The following CNOT10 variants were observed in gnomAD, a reference collection of about 807,000 sequenced individuals.
CNOT10 encodes CCR4-NOT transcription complex, subunit 10.
A neutral mutation model predicts 94.6 loss-of-function variants in CNOT10; 30 were observed. That is an observed-to-expected ratio of 0.32 (90% CI 0.24 to 0.43). CNOT10 has a LOEUF of 0.43. Ranked by LOEUF, CNOT10 falls within the 20% of genes least tolerant of loss-of-function variation. The pLI is 1.00. For synonymous variants in CNOT10, 289 were observed against 301.6 expected (o/e 0.96, Z 0.43); for missense variants, 759 against 877.2 (o/e 0.87, Z 1.70).
At chr3:32,724,682 G>T (rs1698588776) in intron 8 of CNOT10, among the ~76,000 whole-genome samples, 1 of 152,166 alleles carries the variant, frequency 6.6e-6, no homozygotes, top group Non-Finnish European at 1.5e-5. Flanking sequence ...AAAGTGCTGG[G>T]ATTACAGGCG....
chr3:32,761,343 C>T (rs894834845), intron 14 of CNOT10, among the ~76,000 whole-genome samples: 1 of 152,116 alleles, frequency 6.6e-6, no homozygotes, highest in Non-Finnish European at 1.5e-5. Flanking sequence ...GGAATTGCAG[C>T]TGATGCTGGT....
intron 1 of CNOT10, among the ~76,000 whole-genome samples, chr3:32,688,779 A>G (rs903375904): frequency 2.0e-5 from 3 of 151,730 alleles, no homozygotes; most frequent in African/African-American, 4.8e-5. Context: ...GCCAGATATC[A>G]TGGTGTGTGC....
chr3:32,771,762 CACTT>C (rs1263166812), intron 18 of CNOT10, among the ~76,000 whole-genome samples: 6 of 152,158 alleles, frequency 3.9e-5, no homozygotes, highest in East Asian at 1.9e-4. Context: ...TAACTTCAGA[CACTT>C]AATTATAATT....
chr3:32,705,293 T>C (rs954025670), intron 3 of CNOT10, among the ~76,000 whole-genome samples: 1 of 152,158 alleles, frequency 6.6e-6, no homozygotes, highest in Non-Finnish European at 1.5e-5. Flanking sequence ...GAAAAAAATA[T>C]GATTAATCCT....
intron 8 of CNOT10, among the ~76,000 whole-genome samples, chr3:32,724,314 C>T (rs143927932): frequency 0.14 from 20,821 of 146,310 alleles, 1,558 homozygotes; most frequent in South Asian, 0.19. Context: ...GGTGCGATCT[C>T]GGCTCACTGC....
At chr3:32,756,042 G>T (rs1196126625) in intron 13 of CNOT10, among the ~76,000 whole-genome samples, 1 of 152,140 alleles carries the variant, frequency 6.6e-6, no homozygotes. Flanking sequence ...TTCTCTGGGG[G>T]CTCAGTAGAG....
At chr3:32,723,745 A>G (rs1288491311) in intron 8 of CNOT10, among the ~76,000 whole-genome samples, 2 of 152,188 alleles carry the variant, frequency 1.3e-5, no homozygotes, top group South Asian at 2.1e-4. Context: ...TATAACATGT[A>G]AAACAACTAG....
intron 7 of CNOT10, among the ~76,000 whole-genome samples, chr3:32,718,925 G>A (rs1277509093): frequency 1.3e-5 from 2 of 152,094 alleles, no homozygotes; most frequent in African/African-American, 4.8e-5. Context: ...GACCAACCTT[G>A]CCAACATGGG....
chr3:32,698,327 CT>C (rs1697173512), intron 1 of CNOT10, among the ~76,000 whole-genome samples: 1 of 152,000 alleles, frequency 6.6e-6, no homozygotes, highest in African/African-American at 2.4e-5. Context: ...ACTGGAATGC[CT>C]TTTTTATACA....
At chr3:32,706,662 T>C (rs1349009859) in intron 3 of CNOT10, among the ~76,000 whole-genome samples, 1 of 152,232 alleles carries the variant, frequency 6.6e-6, no homozygotes, top group Non-Finnish European at 1.5e-5. Flanking sequence ...GTGTGATAAT[T>C]ATTCAACCAT....
At chr3:32,686,151 C>T (rs1696591699) in intron 1 of CNOT10, among the ~76,000 whole-genome samples, 1 of 152,176 alleles carries the variant, frequency 6.6e-6, no homozygotes, top group Non-Finnish European at 1.5e-5. Context: ...ATTACTTAAT[C>T]TCAATGGTTT....
Position 32,685,313 on chromosome 3 carries a change from C to T in CNOT10, c.-148C>T, listed in dbSNP as rs528432427. Reference sequence around the variant, plus strand: ...AGCTCTCGTCACTTCCTCAGCCCGCCGTCTGCCCACTCCTCTAGCCGGAAC... The same window carrying T: ...AGCTCTCGTCACTTCCTCAGCCCGCTGTCTGCCCACTCCTCTAGCCGGAAC... On this transcript the variant is annotated 5_prime_UTR_variant, in exon 1 of 19. Coordinates refer to ENST00000328834, the MANE Select transcript of CNOT10 (RefSeq NM_015442.3). 3.8e-6 allele frequency: 3 copies of T among 780,756 alleles called. No individual in the cohort carries two copies. The highest frequency in any genetic ancestry group is 5.6e-5 in the East Asian group (2 of 35,650). 48.4% of individuals were successfully genotyped at this position (780,756 alleles called of 1,614,324 possible).
At chr3:32,695,614 G>A (rs764372211) in intron 1 of CNOT10, 24 of 1,535,494 alleles carry the variant, frequency 1.6e-5, no homozygotes, top group Non-Finnish European at 1.8e-5. Flanking sequence ...AAAGGCAATT[G>A]TTTATTTAGA....
chr3:32,734,722 G>T, intron 11 of CNOT10, 78 bp from the exon 12 acceptor site: 2 of 1,123,134 alleles, frequency 1.8e-6, no homozygotes, highest in Non-Finnish European at 2.5e-6. Flanking sequence ...ATAATCAATT[G>T]GTTTTATTCC....
At chr3:32,705,578 T>G (rs1301131865) in intron 3 of CNOT10, among the ~76,000 whole-genome samples, 1 of 152,192 alleles carries the variant, frequency 6.6e-6, no homozygotes, top group East Asian at 1.9e-4. Flanking sequence ...AGTAGCCCTA[T>G]GAAATAGCTA....
At chr3:32,754,489 A>AAAAAAAAAATATATATATATAT (rs77878221) in intron 13 of CNOT10, among the ~76,000 whole-genome samples, 3 of 70,216 alleles carry the variant, frequency 4.3e-5, no homozygotes, top group African/African-American at 2.3e-4. Flanking sequence ...AAAAAAAAAA[A>AAAAAAAAAATATATATATATAT]ATACATATAT....
At chr3:32,693,739 G>A (rs1261419508) in intron 1 of CNOT10, among the ~76,000 whole-genome samples, 1 of 151,580 alleles carries the variant, frequency 6.6e-6, no homozygotes, top group Non-Finnish European at 1.5e-5. Context: ...ATGAGGTTTC[G>A]TCATGTTGCC....
At chr3:32,730,210 G>T (rs929105524) in intron 10 of CNOT10, among the ~76,000 whole-genome samples, 31 of 152,144 alleles carry the variant, frequency 2.0e-4, no homozygotes, top group African/African-American at 7.5e-4. Flanking sequence ...ACTAGGGAAA[G>T]ATTGTAAAGT....
intron 15 of CNOT10, among the ~76,000 whole-genome samples, chr3:32,763,270 A>G (rs6805996): frequency 0.058 from 8,876 of 152,200 alleles, 287 homozygotes; most frequent in Middle Eastern, 0.088. Context: ...CCAAGAGTTC[A>G]AGACCAGCCT....
Sources: gnomAD v4.1 joint callset for allele counts (sites outside exome capture counted in the v4.1 genomes callset) on GRCh38, gnomAD v4.1.1 for gene constraint, MANE v1.5 for transcripts, NCBI Gene and HGNC (gene_info 2026-07-23, HGNC 2026-07-21) for gene names.